The following TLR4 variants were observed in gnomAD, a reference collection of about 807,000 sequenced individuals.
TLR4 encodes toll like receptor 4.
TLR4 carries 17 observed loss-of-function variants against 27.4 expected under a neutral mutation model. The observed-to-expected ratio is 0.62, with a 90% CI of 0.42 to 0.93. The LOEUF (loss-of-function observed/expected upper bound fraction) is 0.93. TLR4 is among the 40% of genes least tolerant of loss of function. The probability of loss-of-function intolerance (pLI) is 0.00; values close to 1 mark genes in which losing one functional copy is unlikely to be tolerated. For missense variants in TLR4, 926 were observed against 962.3 expected, an observed-to-expected ratio of 0.96 and a Z score of 0.50; for synonymous variants, 363 against 365.7, an observed-to-expected ratio of 0.99 and a Z score of 0.08.
rs1319956499 is a variant in TLR4 at position 117,723,106 on chromosome 9, C to A, written c.*8458C>A. The A allele has an allele frequency of 6.6e-6, 1 of 152,172 alleles. No individual in the cohort carries two copies. The highest frequency in any genetic ancestry group is 2.4e-5 in the African/African-American group (1 of 41,432). The allele number at this position is 152,172 out of a possible 1,614,324, so 9.4% of individuals were successfully genotyped here. ...CTCTGACATTCTAGCATGTTCACAT[C>A]TCCAGGGCTGTTTCCTTACCTATAA... is the stretch of plus-strand genomic sequence containing the variant. On this transcript the variant is annotated 3_prime_UTR_variant, in exon 3 of 3. Coordinates refer to ENST00000355622, the MANE Select transcript of TLR4 (RefSeq NM_138554.5).
rs1829388049 is a variant in TLR4 at position 117,718,695 on chromosome 9, T to G, written c.*4047T>G. Reference sequence around the variant, plus strand: ...GAATAGAACTATGACTTTGTAAGGTTGCTCTAAGGATTGAAAATCATGTAT... The same window carrying G: ...GAATAGAACTATGACTTTGTAAGGTGGCTCTAAGGATTGAAAATCATGTAT... On this transcript the variant is annotated 3_prime_UTR_variant, in exon 3 of 3. Coordinates refer to ENST00000355622, the MANE Select transcript of TLR4 (RefSeq NM_138554.5). 6.6e-6 allele frequency: 1 copy of G among 152,154 alleles called. No individual in the cohort carries two copies. Among genetic ancestry groups the G allele is most frequent in the Non-Finnish European group, 1.5e-5 (1 of 68,024 alleles). The allele number at this position is 152,154 out of a possible 1,614,324, so 9.4% of individuals were successfully genotyped here. A position where few individuals can be genotyped will look rare whatever the true frequency, so the allele number is the denominator to read the frequency against.
chr9:117,721,385 A>G lies in TLR4; in HGVS notation c.*6737A>G, dbSNP rs7037117. On this transcript the variant is annotated 3_prime_UTR_variant, in exon 3 of 3. Coordinates refer to ENST00000355622, the MANE Select transcript of TLR4 (RefSeq NM_138554.5). ...TCGGTTCCTTGATCTTGTGTCTCCA[A>G]ATCACTTGCTCTCTCTCTTACATCT... 0.39 allele frequency: 59,629 copies of G among 152,284 alleles called. 14,941 individuals are homozygous for G. The highest frequency in any genetic ancestry group is 0.72 in the African/African-American group (29,928 of 41,484). The allele number at this position is 152,284 out of a possible 1,614,324, so 9.4% of individuals were successfully genotyped here.
At position 117,713,404 on chromosome 9, in the gene TLR4, C is replaced by T. The variant is rs1159171467; in HGVS notation, c.1276C>T (p.His426Tyr). 3 of 1,614,072 alleles carry T rather than the reference C, an allele frequency of 1.9e-6. No homozygotes were observed. Among genetic ancestry groups the T allele is most frequent in the East Asian group, 2.2e-5 (1 of 44,870 alleles). ...SNFLGLEQLE[H>Y]LDFQHSNLKQ... ...CTTCTTGGGCTTAGAACAACTAGAA[C>T]ATCTGGATTTCCAGCATTCCAATTT... is the stretch of plus-strand genomic sequence containing the variant. Residue 426 changes from histidine (H) to tyrosine (Y), a missense_variant, in exon 3 of 3, where the codon CAT becomes TAT. Physicochemically the swap from His to Tyr is moderately conservative, Grantham distance 83. Transcript: ENST00000355622.
rs148151027 is a variant in TLR4 at position 117,708,622 on chromosome 9, C to A, written c.153C>A (p.Asn51Lys). The A allele has an allele frequency of 1.9e-5, 31 of 1,613,850 alleles. No homozygotes were observed. Among genetic ancestry groups the A allele is most frequent in the African/African-American group, 4.0e-5 (3 of 74,894 alleles). ...TGAATTTCTACAAAATCCCCGACAACCTCCCCTTCTCAACCAAGAACCTGG... is the reference window on the plus strand; with the variant it reads ...TGAATTTCTACAAAATCCCCGACAAACTCCCCTTCTCAACCAAGAACCTGG... The part of the protein sequence containing the change: ...MELNFYKIPD[N>K]LPFSTKNLDL... The change falls in exon 2 of 3, where the codon AAC (asparagine) becomes AAA (lysine). Residue 51 changes from asparagine (N) to lysine (K), a missense_variant. Transcript: ENST00000355622.
intron 1 of TLR4, 86 bp downstream of exon 1, chr9:117,704,651 CAAAAA>C: frequency 1.2e-6 from 1 of 824,296 alleles, no homozygotes; most frequent in Non-Finnish European, 1.9e-6. Context: ...TTTATTTTTG[CAAAAA>C]AAAAAAAGAG....
In TLR4 at chr9:117,712,543, G is replaced by A. The variant is rs1441084781; in HGVS notation, c.415G>A (p.Ala139Thr). 6.2e-7 allele frequency: 1 copy of A among 1,613,826 alleles called. No homozygotes were observed. Among genetic ancestry groups the A allele is most frequent in the African/African-American group, 1.3e-5 (1 of 74,886 alleles). The change falls in exon 3 of 3, where the codon GCA becomes ACA. Residue 139 changes from alanine (A) to threonine (T), a missense_variant. Coordinates refer to ENST00000355622, the MANE Select transcript of TLR4 (RefSeq NM_138554.5). ...QKLVAVETNL[A>T]SLENFPIGHL... ...GCTGGTGGCTGTGGAGACAAATCTAGCATCTCTAGAGAACTTCCCCATTGG... is the reference window on the plus strand; with the variant it reads ...GCTGGTGGCTGTGGAGACAAATCTAACATCTCTAGAGAACTTCCCCATTGG...
chr9:117,722,090 T>C lies in TLR4; in HGVS notation c.*7442T>C, dbSNP rs542513434. The C allele has an allele frequency of 9.3e-4, 142 of 152,306 alleles. 1 individual carries two copies. Among genetic ancestry groups the C allele is most frequent in the African/African-American group, 3.3e-3 (137 of 41,578 alleles). 9.4% of individuals were successfully genotyped at this position (152,306 alleles called of 1,614,324 possible). A position where few individuals can be genotyped will look rare whatever the true frequency, so the allele number is the denominator to read the frequency against. On this transcript the variant is annotated 3_prime_UTR_variant, in exon 3 of 3. Transcript: ENST00000355622. ...CACATAAATATATACCAGAAAAATG[T>C]TGTGGTCTTTTCTAAACTCTCTGAG... is the stretch of plus-strand genomic sequence containing the variant.
At position 117,722,350 on chromosome 9, in the gene TLR4, C is replaced by T. The variant is rs564006175; in HGVS notation, c.*7702C>T. 8.5e-5 allele frequency: 13 copies of T among 152,212 alleles called. No homozygotes were observed. The East Asian group carries it at 1.5e-3, about 18-fold the overall frequency. 9.4% of individuals were successfully genotyped at this position (152,212 alleles called of 1,614,324 possible). Reference sequence around the variant, plus strand: ...GGGGAATTGGGGAAGTGATCACTGACGGTTGAAATTCAGTAGTTTTGGTCT... The same window carrying T: ...GGGGAATTGGGGAAGTGATCACTGATGGTTGAAATTCAGTAGTTTTGGTCT... On this transcript the variant is annotated 3_prime_UTR_variant, in exon 3 of 3. Coordinates refer to ENST00000355622, the MANE Select transcript of TLR4 (RefSeq NM_138554.5).
In TLR4 at chr9:117,712,472, A is replaced by G. The variant is rs751794656; in HGVS notation, c.344A>G (p.Gln115Arg). Reference protein sequence around the residue: ...STLILTGNPIQSLALGAFSGL... With the variant: ...STLILTGNPIRSLALGAFSGL... The stretch of plus-strand genomic sequence containing the variant: ...TTAATATTGACAGGAAACCCCATCC[A>G]GAGTTTAGCCCTGGGAGCCTTTTCT... Residue 115 changes from glutamine to arginine, a missense_variant, in exon 3 of 3, where the codon CAG (glutamine) becomes CGG (arginine). Gln to Arg is a conservative substitution (Grantham distance 43, BLOSUM62 1). Coordinates refer to ENST00000355622, the MANE Select transcript of TLR4 (RefSeq NM_138554.5). The G allele has an allele frequency of 1.8e-5, 29 of 1,613,840 alleles. 1 individual carries two copies. In the Admixed American group the frequency reaches 2.8e-4, roughly 16 times the overall value.
At position 117,721,888 on chromosome 9, in the gene TLR4, T is replaced by A. The variant is rs538361654; in HGVS notation, c.*7240T>A. ...TGTATTTTTATTTTACACTGTATAG[T>A]TGATTCTTCTCAATCCCACTAGATC... is the stretch of plus-strand genomic sequence containing the variant. On this transcript the variant is annotated 3_prime_UTR_variant, in exon 3 of 3. Coordinates refer to ENST00000355622, the MANE Select transcript of TLR4 (RefSeq NM_138554.5). 3.9e-5 allele frequency: 6 copies of A among 152,344 alleles called. No individual in the cohort carries two copies. Among genetic ancestry groups the A allele is most frequent in the African/African-American group, 1.4e-4 (6 of 41,584 alleles). 9.4% of individuals were successfully genotyped at this position (152,344 alleles called of 1,614,324 possible). A position where few individuals can be genotyped will look rare whatever the true frequency, so the allele number is the denominator to read the frequency against.
rs1238374510 is a variant in TLR4 at position 117,718,890 on chromosome 9, C to T, written c.*4242C>T. 6.6e-6 allele frequency: 1 copy of T among 152,174 alleles called. No homozygotes were observed. The highest frequency in any genetic ancestry group is 1.5e-5 in the Non-Finnish European group (1 of 68,018). 9.4% of individuals were successfully genotyped at this position (152,174 alleles called of 1,614,324 possible). A position where few individuals can be genotyped will look rare whatever the true frequency, so the allele number is the denominator to read the frequency against. On this transcript the variant is annotated 3_prime_UTR_variant, in exon 3 of 3. Coordinates refer to ENST00000355622, the MANE Select transcript of TLR4 (RefSeq NM_138554.5). ...TGACTGTAACTAAAATTAGACATTT[C>T]TTTCTGATTCATTCTCTACTCACGG...
chr9:117,723,458 T>C lies in TLR4; in HGVS notation c.*8810T>C, dbSNP rs2131182485. ...ACAAAGGCAAATCTCTTGATCTCTT[T>C]GCTCTTTGGTCTCTGTTTATCTATG... On this transcript the variant is annotated 3_prime_UTR_variant, in exon 3 of 3. Transcript: ENST00000355622. The C allele has an allele frequency of 6.6e-6, 1 of 152,332 alleles. No individual in the cohort carries two copies. The highest frequency in any genetic ancestry group is 1.5e-5 in the Non-Finnish European group (1 of 68,016). 9.4% of individuals were successfully genotyped at this position (152,332 alleles called of 1,614,324 possible). A position where few individuals can be genotyped will look rare whatever the true frequency, so the allele number is the denominator to read the frequency against.
chr9:117,711,565 C>T (rs1829231909), intron 2 of TLR4, among the ~76,000 whole-genome samples: 1 of 152,168 alleles, frequency 6.6e-6, no homozygotes, highest in African/African-American at 2.4e-5. Context: ...AATTTCATCT[C>T]TGTTCTCCAA....
chr9:117,704,674 A>C, intron 1 of TLR4, 109 bp downstream of exon 1: 1 of 917,254 alleles, frequency 1.1e-6, no homozygotes, highest in Non-Finnish European at 1.7e-6. Context: ...GAGTTAAATT[A>C]CCTTAAAGAC....
chr9:117,713,910 C>G lies in TLR4; in HGVS notation c.1782C>G (p.Ile594Met), dbSNP rs1460497901. The G allele has an allele frequency of 6.2e-7, 1 of 1,613,932 alleles. No homozygotes were observed. The highest frequency in any genetic ancestry group is 1.3e-5 in the African/African-American group (1 of 74,916). The part of the protein sequence containing the change: ...TCEHQSFLQW[I>M]KDQRQLLVEV... ...AACACCAGAGTTTCCTGCAATGGAT[C>G]AAGGACCAGAGGCAGCTCTTGGTGG... Residue 594 changes from isoleucine (I) to methionine (M), a missense_variant, in exon 3 of 3, where the codon ATC (isoleucine) becomes ATG (methionine). Ile to Met is a conservative substitution (Grantham distance 10). Transcript: ENST00000355622.
rs770334820 is a variant in TLR4 at position 117,712,735 on chromosome 9, C to G, written c.607C>G (p.Leu203Val). 1.2e-5 allele frequency: 20 copies of G among 1,613,938 alleles called. No individual in the cohort carries two copies. In the Admixed American group the frequency reaches 2.7e-4, roughly 22 times the overall value. Residue 203 changes from leucine to valine, a missense_variant, in exon 3 of 3, where the codon CTA becomes GTA. Coordinates refer to ENST00000355622, the MANE Select transcript of TLR4 (RefSeq NM_138554.5). ...TDLRVLHQMPLLNLSLDLSLN... is the reference protein window; with the variant it reads ...TDLRVLHQMPVLNLSLDLSLN... Reference sequence around the variant, plus strand: ...CTTGCGGGTTCTACATCAAATGCCCCTACTCAATCTCTCTTTAGACCTGTC... The same window carrying G: ...CTTGCGGGTTCTACATCAAATGCCCGTACTCAATCTCTCTTTAGACCTGTC...
In TLR4 at chr9:117,704,494, G is replaced by T. The variant is rs200829864; in HGVS notation, c.22G>T (p.Ala8Ser). 12 of 1,613,436 alleles carry T rather than the reference G, an allele frequency of 7.4e-6. No individual in the cohort carries two copies. Among genetic ancestry groups the T allele is most frequent in the Non-Finnish European group, 1.0e-5 (12 of 1,179,948 alleles). Reference protein sequence around the residue: MMSASRLAGTLIPAMAFL... With the variant: MMSASRLSGTLIPAMAFL... ...CAGGATGATGTCTGCCTCGCGCCTGGCTGGGACTCTGATCCCAGCCATGGC... is the reference window on the plus strand; with the variant it reads ...CAGGATGATGTCTGCCTCGCGCCTGTCTGGGACTCTGATCCCAGCCATGGC... Residue 8 changes from alanine (A) to serine (S), a missense_variant, in exon 1 of 3, where the codon GCT (alanine) becomes TCT (serine). Coordinates refer to ENST00000355622, the MANE Select transcript of TLR4 (RefSeq NM_138554.5).
chr9:117,712,092 A>G (rs1829240496), intron 2 of TLR4, among the ~76,000 whole-genome samples: 1 of 152,112 alleles, frequency 6.6e-6, no homozygotes, highest in Non-Finnish European at 1.5e-5. Context: ...ATCTTTATAT[A>G]TGTCAATTAT....
chr9:117,711,596 G>A (rs1829232316), intron 2 of TLR4, among the ~76,000 whole-genome samples: 1 of 152,108 alleles, frequency 6.6e-6, no homozygotes, highest in Non-Finnish European at 1.5e-5. Flanking sequence ...TATTTGTCAT[G>A]ATTCCTCCTT....
Sources: gnomAD v4.1 joint callset for allele counts (sites outside exome capture counted in the v4.1 genomes callset) on GRCh38, gnomAD v4.1.1 for gene constraint, MANE v1.5 for transcripts, NCBI Gene and HGNC (gene_info 2026-07-23, HGNC 2026-07-21) for gene names.